The following C2orf49 variants were observed in gnomAD, a reference collection of about 807,000 sequenced individuals.
The protein encoded by C2orf49 is tRNA splicing ligase complex subunit 2.
C2orf49 carries 11 observed loss-of-function variants against 20.6 expected under a neutral mutation model. The ratio of observed to expected loss-of-function variants is 0.53; its 90% CI spans 0.34 to 0.88. The LOEUF (loss-of-function observed/expected upper bound fraction) is 0.88, where lower values mean the gene tolerates loss of function less well. Among genes scored for constraint, C2orf49 ranks in the 40% least tolerant of loss-of-function variants. The pLI is 0.02. For missense variants in C2orf49, 289 were observed against 274.2 expected (o/e 1.05, Z -0.38); for synonymous variants, 134 against 108.5 (o/e 1.24, Z -1.46).
At chr2:105,367,555 G>A in the C2orf49 span, 2 of 1,604,816 alleles carry the variant, frequency 1.2e-6, no homozygotes, top group East Asian at 2.2e-5. Context: ...AGGGCCAAGG[G>A]GGCATCTGAG....
rs1428052694 is a variant in C2orf49 at position 105,347,925 on chromosome 2, G to C, written c.*2554G>C. ...TATTATTGGAGTAGGCAAATGAATG[G>C]CATTAGAATTAGTGGGTGGCTTGTA... On this transcript the variant is annotated 3_prime_UTR_variant, in exon 4 of 4. Transcript: ENST00000258457. The C allele has an allele frequency of 6.6e-6, 1 of 152,154 alleles. No individual in the cohort carries two copies. The highest frequency in any genetic ancestry group is 1.5e-5 in the Non-Finnish European group (1 of 68,028). 9.4% of individuals were successfully genotyped at this position (152,154 alleles called of 1,614,324 possible). A position where few individuals can be genotyped will look rare whatever the true frequency, so the allele number is the denominator to read the frequency against.
the C2orf49 span, among the ~76,000 whole-genome samples, chr2:105,367,999 C>T: frequency 1.2e-4 from 18 of 152,100 alleles, no homozygotes; most frequent in Non-Finnish European, 2.2e-4. Context: ...TATTGAATAC[C>T]GTGGTTAGGA....
chr2:105,384,256 C>T, the C2orf49 span, among the ~76,000 whole-genome samples: 1 of 152,154 alleles, frequency 6.6e-6, no homozygotes, highest in Non-Finnish European at 1.5e-5. Flanking sequence ...TTTTCTCGGG[C>T]TATCTACTTC....
intron 2 of C2orf49, among the ~76,000 whole-genome samples, chr2:105,341,799 C>T (rs1679676771): frequency 6.6e-6 from 1 of 152,242 alleles, no homozygotes; most frequent in Non-Finnish European, 1.5e-5. Flanking sequence ...CTGCTGGTCC[C>T]TGGATCACAC....
chr2:105,351,529 G>A (rs1283268230), downstream of C2orf49, among the ~76,000 whole-genome samples: 1 of 151,942 alleles, frequency 6.6e-6, no homozygotes, highest in Non-Finnish European at 1.5e-5. Context: ...TTTATATTTT[G>A]GGTTAAAGTC....
At chr2:105,373,428 G>T in the C2orf49 span, 1 of 882,652 alleles carries the variant, frequency 1.1e-6, no homozygotes. Context: ...ATACTCCTCT[G>T]CAGTTCAAGG....
downstream of C2orf49, among the ~76,000 whole-genome samples, chr2:105,349,744 T>C (rs1343618381): frequency 1.3e-5 from 2 of 152,112 alleles, no homozygotes; most frequent in Non-Finnish European, 2.9e-5. Flanking sequence ...ATGAAGAAAG[T>C]AGGATGAGAA....
the C2orf49 span, chr2:105,367,879 A>G: frequency 4.3e-5 from 32 of 748,738 alleles, no homozygotes; most frequent in South Asian, 2.0e-5. Flanking sequence ...TCGCCTCTAC[A>G]TGGAGGTAAT....
the C2orf49 span, among the ~76,000 whole-genome samples, chr2:105,377,022 G>C: frequency 6.6e-6 from 1 of 152,192 alleles, no homozygotes; most frequent in Non-Finnish European, 1.5e-5. Context: ...GGATGAGAGG[G>C]GAATGGGAGT....
At chr2:105,366,239 G>A in the C2orf49 span, among the ~76,000 whole-genome samples, 3 of 151,962 alleles carry the variant, frequency 2.0e-5, no homozygotes, top group African/African-American at 7.2e-5. Flanking sequence ...GGAAATGAGA[G>A]AAAGACTGAA....
the C2orf49 span, among the ~76,000 whole-genome samples, chr2:105,383,074 C>T: frequency 0.023 from 3,547 of 152,170 alleles, 64 homozygotes; most frequent in Non-Finnish European, 0.031. Context: ...TTAGTAGAGA[C>T]GGGGTTTCGC....
chr2:105,374,726 A>G, the C2orf49 span, among the ~76,000 whole-genome samples: 1 of 152,208 alleles, frequency 6.6e-6, no homozygotes, highest in Non-Finnish European at 1.5e-5. Flanking sequence ...TAAAAATGAC[A>G]TACGGCATTT....
chr2:105,345,117 G>A (rs956531623), intron 3 of C2orf49, among the ~76,000 whole-genome samples, 198 bp from the exon 4 acceptor site: 4 of 152,142 alleles, frequency 2.6e-5, no homozygotes, highest in African/African-American at 7.2e-5. Context: ...AGTGCTCTAA[G>A]TTATTCTAAA....
chr2:105,339,328 G>T (rs575436900), intron 1 of C2orf49, among the ~76,000 whole-genome samples: 1 of 152,274 alleles, frequency 6.6e-6, no homozygotes, highest in African/African-American at 2.4e-5. Context: ...TTCATGCTTG[G>T]TGTGTTGGCT....
chr2:105,377,495 G>T, the C2orf49 span, among the ~76,000 whole-genome samples: 2,340 of 152,198 alleles, frequency 0.015, 44 homozygotes, highest in Non-Finnish European at 0.025. Context: ...GCCAGGCGTG[G>T]TGGTGCATGC....
chr2:105,344,911 G>A (rs1045317650), intron 3 of C2orf49, among the ~76,000 whole-genome samples: 10 of 152,116 alleles, frequency 6.6e-5, no homozygotes, highest in African/African-American at 2.4e-4. Flanking sequence ...AAATTGTAAA[G>A]TTGATGGAGG....
At chr2:105,362,158 C>T in the C2orf49 span, among the ~76,000 whole-genome samples, 1 of 152,198 alleles carries the variant, frequency 6.6e-6, no homozygotes, top group Non-Finnish European at 1.5e-5. Context: ...ACAGAAGTTA[C>T]TGCTGAAAAC....
the C2orf49 span, chr2:105,361,458 C>G: frequency 6.2e-7 from 1 of 1,601,260 alleles, no homozygotes; most frequent in Non-Finnish European, 8.5e-7. Context: ...GAAAATAATA[C>G]CGGATGAAGA....
At chr2:105,338,340 TCCCCTTAGTA>T (rs145478515) in intron 1 of C2orf49, among the ~76,000 whole-genome samples, 40,521 of 152,084 alleles carry the variant, frequency 0.27, 5,692 homozygotes, top group South Asian at 0.34. Context: ...CATATGGCTT[TCCCCTTAGTA>T]CCCTATCTTT....
Sources: allele counts gnomAD v4.1 joint callset (sites outside exome capture counted in the v4.1 genomes callset), GRCh38; gene constraint gnomAD v4.1.1; transcripts MANE v1.5; gene names NCBI Gene and HGNC (gene_info 2026-07-23, HGNC 2026-07-21).